The following GALNTL6 variants were observed in gnomAD, a reference collection of about 807,000 sequenced individuals.
GALNTL6 encodes the protein polypeptide N-acetylgalactosaminyltransferase like 6, also known as polypeptide N-acetylgalactosaminyltransferase-like 6.
In GALNTL6, 46 loss-of-function variants were observed where a neutral mutation model predicts 73.7. That is an observed-to-expected ratio of 0.62 (90% CI 0.49 to 0.80). The LOEUF (loss-of-function observed/expected upper bound fraction) is 0.80. Among genes scored for constraint, GALNTL6 ranks in the 30% least tolerant of loss-of-function variants. The probability of loss-of-function intolerance (pLI) is 0.00; values close to 1 mark genes in which losing one functional copy is unlikely to be tolerated. For missense variants in GALNTL6, 604 were observed against 755.0 expected (o/e 0.80, Z 2.34); for synonymous variants, 259 against 263.7 (o/e 0.98, Z 0.17).
At chr4:172,763,958 A>T (rs912282248) in intron 5 of GALNTL6, among the ~76,000 whole-genome samples, 13 of 136,914 alleles carry the variant, frequency 9.5e-5, no homozygotes, top group Admixed American at 1.5e-4. Context: ...AACAAGGTGT[A>T]TTTTTTTTTT....
chr4:172,482,521 A>G (rs574658469), intron 5 of GALNTL6, among the ~76,000 whole-genome samples: 2 of 152,258 alleles, frequency 1.3e-5, no homozygotes, highest in Non-Finnish European at 2.9e-5. Flanking sequence ...GTGTTAAAAG[A>G]AGGCACTCAT....
intron 2 of GALNTL6, among the ~76,000 whole-genome samples, chr4:171,835,365 G>A (rs1042849755): frequency 1.3e-5 from 2 of 151,666 alleles, no homozygotes; most frequent in African/African-American, 2.4e-5. Flanking sequence ...TATGTGTGTG[G>A]GTTTTGTTTC....
At chr4:172,559,786 A>T (rs1361911362) in intron 5 of GALNTL6, among the ~76,000 whole-genome samples, 2 of 152,226 alleles carry the variant, frequency 1.3e-5, no homozygotes, top group African/African-American at 4.8e-5. Flanking sequence ...AATTCTGCCT[A>T]AATATAATGT....
chr4:172,487,307 T>C (rs6849525), intron 5 of GALNTL6, among the ~76,000 whole-genome samples: 17,940 of 90,484 alleles, frequency 0.2, 1,787 homozygotes, highest in Admixed American at 0.23. Flanking sequence ...TCTGTCTTTC[T>C]TTCTTTCTTT....
At chr4:171,986,815 T>C (rs111279231) in intron 2 of GALNTL6, among the ~76,000 whole-genome samples, 1,887 of 152,182 alleles carry the variant, frequency 0.012, 44 homozygotes, top group African/African-American at 0.041. Context: ...GACATCTGAT[T>C]AGAGAGTGCC....
chr4:171,873,895 G>C (rs942482576), intron 2 of GALNTL6, among the ~76,000 whole-genome samples: 10 of 152,026 alleles, frequency 6.6e-5, no homozygotes, highest in African/African-American at 2.4e-4. Context: ...ATTACTATTA[G>C]GTTATTGAAA....
At chr4:172,356,943 A>G (rs1020057560) in intron 5 of GALNTL6, among the ~76,000 whole-genome samples, 8 of 152,210 alleles carry the variant, frequency 5.3e-5, no homozygotes, top group Non-Finnish European at 1.0e-4. Context: ...AATAAAATGT[A>G]CCACAATTAT....
intron 5 of GALNTL6, among the ~76,000 whole-genome samples, chr4:172,466,412 A>T (rs1257700290): frequency 1.3e-5 from 2 of 152,124 alleles, no homozygotes; most frequent in Non-Finnish European, 2.9e-5. Flanking sequence ...AAAAGAATAA[A>T]TTTTTTTATT....
chr4:172,606,785 A>G (rs565852912), intron 5 of GALNTL6, among the ~76,000 whole-genome samples: 8 of 149,896 alleles, frequency 5.3e-5, no homozygotes, highest in African/African-American at 2.0e-4. Context: ...CTAATTGGCA[A>G]TCTTGCTGAT....
chr4:173,030,176 A>T (rs1753399282), intron 12 of GALNTL6, among the ~76,000 whole-genome samples: 1 of 152,202 alleles, frequency 6.6e-6, no homozygotes, highest in Non-Finnish European at 1.5e-5. Context: ...TGTGATTCTT[A>T]TGCAGAAAAT....
At chr4:172,459,747 T>G (rs928722784) in intron 5 of GALNTL6, among the ~76,000 whole-genome samples, 21 of 152,148 alleles carry the variant, frequency 1.4e-4, no homozygotes, top group African/African-American at 4.8e-4. Flanking sequence ...TCCATGCTCA[T>G]GGGTAGGAAG....
chr4:172,264,581 T>TGCCA (rs1258452297), intron 3 of GALNTL6, among the ~76,000 whole-genome samples: 8 of 109,758 alleles, frequency 7.3e-5, no homozygotes, highest in African/African-American at 2.8e-4. Context: ...TATATATATA[T>TGCCA]ATATATATAT....
At chr4:172,206,684 A>G (rs1010890592) in intron 2 of GALNTL6, among the ~76,000 whole-genome samples, 3 of 152,072 alleles carry the variant, frequency 2.0e-5, no homozygotes, top group Non-Finnish European at 4.4e-5. Context: ...AGGGGAAAGA[A>G]CATTCTAGAC....
chr4:172,792,299 T>C (rs1490374286), intron 5 of GALNTL6, among the ~76,000 whole-genome samples: 1 of 151,202 alleles, frequency 6.6e-6, no homozygotes, highest in Admixed American at 6.6e-5. Context: ...TACAGTAAAA[T>C]TAATTACATA....
At chr4:172,150,272 A>G (rs1734042836) in intron 2 of GALNTL6, among the ~76,000 whole-genome samples, 1 of 152,216 alleles carries the variant, frequency 6.6e-6, no homozygotes, top group Non-Finnish European at 1.5e-5. Context: ...ATAAGTTTAT[A>G]ATTATTGTAG....
rs1310464490 is a variant in GALNTL6, at chr4:171,985,732, C to A, written c.138+171014C>A. Reference sequence around the variant, plus strand: ...TGAAAATCTGGGAAATTTGGTAACTCTATAAAATTATATATATATATATAT... The same window carrying A: ...TGAAAATCTGGGAAATTTGGTAACTATATAAAATTATATATATATATATAT... On this transcript the variant is annotated intron_variant, in intron 2 of 12. Transcript: ENST00000506823. Among the ~76,000 whole-genome samples, 5 of 146,144 alleles carry A rather than the reference C, an allele frequency of 3.4e-5. No homozygotes were observed. The South Asian group carries it at 1.1e-3, about 31-fold the overall frequency.
At chr4:172,418,160 T>C (rs1311414209) in intron 5 of GALNTL6, among the ~76,000 whole-genome samples, 1 of 152,234 alleles carries the variant, frequency 6.6e-6, no homozygotes, top group Non-Finnish European at 1.5e-5. Flanking sequence ...GGTGATGTAT[T>C]TCATTTATTG....
chr4:172,843,363 G>T (rs1196002615), intron 7 of GALNTL6, among the ~76,000 whole-genome samples: 2 of 152,152 alleles, frequency 1.3e-5, no homozygotes, highest in Admixed American at 6.5e-5. Flanking sequence ...AGTGGCTTCG[G>T]TAATGGCTGC....
At chr4:172,602,736 T>C (rs774316530) in intron 5 of GALNTL6, among the ~76,000 whole-genome samples, 20 of 152,190 alleles carry the variant, frequency 1.3e-4, no homozygotes, top group Non-Finnish European at 2.5e-4. Flanking sequence ...TACAGGTATT[T>C]ACCCAAGAAA....
Sources: allele counts gnomAD v4.1 joint callset (sites outside exome capture counted in the v4.1 genomes callset), GRCh38; gene constraint gnomAD v4.1.1; transcripts MANE v1.5; gene names NCBI Gene and HGNC (gene_info 2026-07-23, HGNC 2026-07-21).